The following PLA2G5 variants were observed in gnomAD, a reference collection of about 807,000 sequenced individuals.
The protein encoded by PLA2G5 is phospholipase A2 group V.
Under a neutral mutation model 15.9 loss-of-function variants are expected in PLA2G5, and 12 were observed. The observed-to-expected ratio is 0.76, with a 90% CI of 0.48 to 1.23. The LOEUF (loss-of-function observed/expected upper bound fraction) is 1.23. PLA2G5 is among the 50% of genes most tolerant of loss of function. The probability of loss-of-function intolerance (pLI) is 0.00; values close to 1 mark genes in which losing one functional copy is unlikely to be tolerated. For synonymous variants in PLA2G5, 71 were observed against 71.4 expected, an observed-to-expected ratio of 0.99 and a Z score of 0.03; for missense variants, 169 against 177.1, an observed-to-expected ratio of 0.95 and a Z score of 0.26.
At chr1:20,037,112 G>A (rs182048690) in intron 1 of PLA2G5, among the ~76,000 whole-genome samples, 1 of 152,246 alleles carries the variant, frequency 6.6e-6, no homozygotes, top group East Asian at 1.9e-4. Context: ...TGATCTTATG[G>A]GGGTGTTAAA....
At chr1:20,051,695 C>T (rs1017999803) in intron 1 of PLA2G5, among the ~76,000 whole-genome samples, 1 of 152,160 alleles carries the variant, frequency 6.6e-6, no homozygotes, top group African/African-American at 2.4e-5. Flanking sequence ...TTTGCCAAGG[C>T]TTTGACTGGA....
Position 20,070,399 on chromosome 1 carries a change from G to C in PLA2G5, c.-77G>C, listed in dbSNP as rs2015298033. 1 of 985,332 alleles carries C rather than the reference G, an allele frequency of 1.0e-6. No individual in the cohort carries two copies. The highest frequency in any genetic ancestry group is 4.7e-5 in the South Asian group (1 of 21,296). The allele number at this position is 985,332 out of a possible 1,614,324, so 61.0% of individuals were successfully genotyped here. A position where few individuals can be genotyped will look rare whatever the true frequency, so the allele number is the denominator to read the frequency against. On this transcript the variant is annotated 5_prime_UTR_variant, in exon 1 of 5. Coordinates refer to ENST00000375108, the MANE Select transcript of PLA2G5 (RefSeq NM_000929.3). ...GAGCCCGCGAGACCCGGGTCTCCAG[G>C]GTCTGCCCAAGGAAGTTGCTCATGG...
At chr1:20,084,794 T>G (rs1374442203) in intron 1 of PLA2G5, 27 bp from the exon 2 acceptor site, 3 of 1,541,972 alleles carry the variant, frequency 1.9e-6, no homozygotes, top group East Asian at 2.2e-5. Flanking sequence ...CTGATAGATC[T>G]GTTGTGGGAT....
intron 1 of PLA2G5, among the ~76,000 whole-genome samples, chr1:20,038,929 G>A (rs1229961853): frequency 2.0e-5 from 3 of 152,166 alleles, no homozygotes; most frequent in Non-Finnish European, 4.4e-5. Context: ...CCACAATGGG[G>A]GTAACAGCTG....
At chr1:20,035,391 T>C (rs2013189337) in intron 1 of PLA2G5, among the ~76,000 whole-genome samples, 2 of 152,148 alleles carry the variant, frequency 1.3e-5, no homozygotes, top group Non-Finnish European at 2.9e-5. Context: ...GTTCCTTGCA[T>C]TTTCTCCCAG....
intron 1 of PLA2G5, among the ~76,000 whole-genome samples, chr1:20,035,270 T>C (rs986610432): frequency 1.3e-5 from 2 of 152,136 alleles, no homozygotes; most frequent in African/African-American, 2.4e-5. Context: ...GCTGGGGCAA[T>C]TGATAGGCCT....
At chr1:20,078,285 G>A (rs547176781) in intron 1 of PLA2G5, among the ~76,000 whole-genome samples, 3 of 152,324 alleles carry the variant, frequency 2.0e-5, no homozygotes, top group Admixed American at 2.0e-4. Context: ...GGGGGATGAC[G>A]AAGGGCAGCC....
intron 3 of PLA2G5, chr1:20,088,881 TCCTAGA>T (rs1217927256): frequency 6.6e-6 from 1 of 152,216 alleles, no homozygotes; most frequent in Non-Finnish European, 1.5e-5. Flanking sequence ...GCTCACTGCA[TCCTAGA>T]CCTTCTGCAC....
At chr1:20,038,933 A>G (rs1244316916) in intron 1 of PLA2G5, among the ~76,000 whole-genome samples, 1 of 152,164 alleles carries the variant, frequency 6.6e-6, no homozygotes, top group Non-Finnish European at 1.5e-5. Flanking sequence ...AATGGGGGTA[A>G]CAGCTGAGGG....
upstream of PLA2G5, among the ~76,000 whole-genome samples, chr1:20,066,774 A>G (rs2015053092): frequency 1.3e-5 from 2 of 152,168 alleles, no homozygotes; most frequent in Non-Finnish European, 2.9e-5. Flanking sequence ...TGGGAGGCAG[A>G]GGCAGGAGGA....
upstream of PLA2G5, among the ~76,000 whole-genome samples, chr1:20,065,203 G>T (rs1010296039): frequency 2.0e-5 from 3 of 152,122 alleles, no homozygotes; most frequent in African/African-American, 4.8e-5. Context: ...AACATATACA[G>T]ATTTTCCTCT....
At chr1:20,081,547 G>A (rs1172718261) in intron 1 of PLA2G5, among the ~76,000 whole-genome samples, 1 of 151,842 alleles carries the variant, frequency 6.6e-6, no homozygotes, top group African/African-American at 2.4e-5. Flanking sequence ...GGAAAGGCTG[G>A]TGGGGCAGGG....
At chr1:20,036,715 G>T (rs1424243631) in intron 1 of PLA2G5, among the ~76,000 whole-genome samples, 1 of 152,086 alleles carries the variant, frequency 6.6e-6, no homozygotes, top group Non-Finnish European at 1.5e-5. Context: ...GCCCAGGCTG[G>T]AGTTCAATGG....
intron 1 of PLA2G5, among the ~76,000 whole-genome samples, chr1:20,075,703 A>G (rs1016192595): frequency 2.6e-5 from 4 of 152,136 alleles, no homozygotes; most frequent in African/African-American, 9.7e-5. Flanking sequence ...TTAAGACTGT[A>G]AGGAGTGGTT....
chr1:20,052,838 C>T (rs1198522847), intron 1 of PLA2G5, among the ~76,000 whole-genome samples: 1 of 152,156 alleles, frequency 6.6e-6, no homozygotes, highest in East Asian at 1.9e-4. Context: ...CACCCCCTGC[C>T]CACTAAGATA....
chr1:20,033,512 A>T (rs963638797), intron 1 of PLA2G5, among the ~76,000 whole-genome samples: 1 of 152,182 alleles, frequency 6.6e-6, no homozygotes, highest in African/African-American at 2.4e-5. Context: ...TTATGGGAAG[A>T]TGCAATTGTA....
chr1:20,058,266 G>T (rs186557071), intron 1 of PLA2G5, among the ~76,000 whole-genome samples: 2 of 152,138 alleles, frequency 1.3e-5, no homozygotes, highest in East Asian at 1.9e-4. Context: ...TATTTCTCCT[G>T]CAGTCCTCTC....
chr1:20,059,699 T>A (rs1412850531), intron 2 of PLA2G5: 1 of 152,204 alleles, frequency 6.6e-6, no homozygotes, highest in Non-Finnish European at 1.5e-5. Context: ...GCAGGTAAGC[T>A]TTCATCCATT....
At chr1:20,066,890 G>A (rs1468473966), upstream of PLA2G5, among the ~76,000 whole-genome samples, 1 of 152,148 alleles carries the variant, frequency 6.6e-6, no homozygotes, top group Non-Finnish European at 1.5e-5. Context: ...CCTGTAGTCC[G>A]AGCTACTTGG....
Sources: gnomAD v4.1 joint callset for allele counts (sites outside exome capture counted in the v4.1 genomes callset) on GRCh38, gnomAD v4.1.1 for gene constraint, MANE v1.5 for transcripts, NCBI Gene and HGNC (gene_info 2026-07-23, HGNC 2026-07-21) for gene names.